UBAC2: variants seen among roughly 807,000 people sequenced by gnomAD.
The protein encoded by UBAC2 is ubiquitin-associated domain-containing protein 2.
UBAC2 carries 26 observed loss-of-function variants against 44.0 expected under a neutral mutation model. That is an observed-to-expected ratio of 0.59 (90% confidence interval 0.43 to 0.82). The LOEUF is 0.82. UBAC2 is among the 40% of genes least tolerant of loss of function. The probability of loss-of-function intolerance (pLI) is 0.00; values close to 1 mark genes in which losing one functional copy is unlikely to be tolerated. For missense variants in UBAC2, 329 were observed against 419.4 expected (o/e 0.78, Z 1.88); for synonymous variants, 155 against 154.3 (o/e 1.00, Z -0.04).
chr13:99,331,203 G>C (rs1444253269), intron 6 of UBAC2, among the ~76,000 whole-genome samples: 3 of 152,216 alleles, frequency 2.0e-5, no homozygotes, highest in Non-Finnish European at 4.4e-5. Flanking sequence ...TTCTGAGAAG[G>C]CTCCTTAAAG....
chr13:99,220,956 A>T (rs902011085), intron 1 of UBAC2, among the ~76,000 whole-genome samples: 3 of 152,032 alleles, frequency 2.0e-5, no homozygotes, highest in Non-Finnish European at 4.4e-5. Context: ...ATGCTTTTTT[A>T]AAAAAAGTAT....
intron 4 of UBAC2, among the ~76,000 whole-genome samples, chr13:99,302,356 G>C (rs891201237): frequency 1.3e-5 from 2 of 152,318 alleles, no homozygotes; most frequent in Admixed American, 6.5e-5. Context: ...AAATTTCAAA[G>C]ATATGGTTCT....
chr13:99,270,173 A>C (rs930643141), intron 4 of UBAC2, among the ~76,000 whole-genome samples: 1 of 152,236 alleles, frequency 6.6e-6, no homozygotes, highest in African/African-American at 2.4e-5. Context: ...AATTTTAACT[A>C]CGTAAGGTGA....
intron 4 of UBAC2, among the ~76,000 whole-genome samples, chr13:99,306,602 G>A (rs1303307801): frequency 6.6e-6 from 1 of 152,094 alleles, no homozygotes; most frequent in Non-Finnish European, 1.5e-5. Context: ...ATTTTGCCAA[G>A]TTTCTGTTAC....
At chr13:99,221,379 A>C (rs763628733) in intron 1 of UBAC2, among the ~76,000 whole-genome samples, 4 of 152,240 alleles carry the variant, frequency 2.6e-5, no homozygotes, top group African/African-American at 9.6e-5. Flanking sequence ...TATGTCTTTC[A>C]CTTGAAATCC....
At chr13:99,311,462 A>G (rs1437120495) in intron 4 of UBAC2, among the ~76,000 whole-genome samples, 1 of 152,226 alleles carries the variant, frequency 6.6e-6, no homozygotes, top group Non-Finnish European at 1.5e-5. Flanking sequence ...TGACTAACTC[A>G]TACTTTTCCA....
At chr13:99,371,361 A>G (rs533601859) in intron 8 of UBAC2, among the ~76,000 whole-genome samples, 2 of 152,248 alleles carry the variant, frequency 1.3e-5, no homozygotes, top group South Asian at 2.1e-4. Flanking sequence ...GTGTTTCTTG[A>G]TTATCCTGCA....
chr13:99,366,312 A>G (rs1015181707), intron 7 of UBAC2, among the ~76,000 whole-genome samples: 1 of 152,230 alleles, frequency 6.6e-6, no homozygotes, highest in South Asian at 2.1e-4. Context: ...CTTGCTCATC[A>G]TGGGTGATTT....
intron 4 of UBAC2, among the ~76,000 whole-genome samples, chr13:99,256,726 G>A (rs908079419): frequency 7.6e-5 from 10 of 132,358 alleles, no homozygotes; most frequent in Non-Finnish European, 9.8e-5. Flanking sequence ...AAAAAAAACC[G>A]TCCATTTTAA....
intron 7 of UBAC2, among the ~76,000 whole-genome samples, chr13:99,359,013 G>A (rs762587467): frequency 2.6e-5 from 4 of 152,122 alleles, no homozygotes; most frequent in Non-Finnish European, 5.9e-5. Context: ...CCCAGAACAC[G>A]GAAGAAGGAG....
intron 1 of UBAC2, chr13:99,215,761 C>A (rs1028716429): frequency 1.3e-5 from 16 of 1,225,610 alleles, no homozygotes; most frequent in Non-Finnish European, 1.8e-5. Flanking sequence ...TCAGCCATTT[C>A]GAGTTCTGCT....
rs865997577 is a variant in UBAC2 at position 99,229,386 on chromosome 13, A to G, written c.32-9041A>G. 3.3e-5 allele frequency among the ~76,000 whole-genome samples: 5 copies of G among 152,372 alleles called. No individual in the cohort carries two copies. In the South Asian group the frequency reaches 1.0e-3, roughly 32 times the overall value. On this transcript the variant is annotated intron_variant, in intron 1 of 8. Transcript: ENST00000403766. ...AAGTCTGGAAAAATTTTCCAAAGGC[A>G]TTGAAACAGAAAGCAACATGTTCAG...
chr13:99,255,395 A>G (rs760766191), intron 4 of UBAC2: 2 of 1,614,128 alleles, frequency 1.2e-6, no homozygotes, highest in South Asian at 2.2e-5. Flanking sequence ...GGGTCTTTAT[A>G]GAGCAGTAGC....
intron 4 of UBAC2, among the ~76,000 whole-genome samples, chr13:99,280,027 T>G (rs1014798811): frequency 1.3e-5 from 2 of 152,248 alleles, no homozygotes; most frequent in South Asian, 4.1e-4. Flanking sequence ...GAAAAGTATT[T>G]GATCTTTTGA....
chr13:99,350,392 C>CT (rs2045065169), intron 7 of UBAC2, among the ~76,000 whole-genome samples: 1 of 152,164 alleles, frequency 6.6e-6, no homozygotes, highest in African/African-American at 2.4e-5. Context: ...AGGGTTGAGA[C>CT]TTTCAGCCCC....
At position 99,200,862 on chromosome 13, in the gene UBAC2, G is replaced by T; in HGVS notation, c.-47G>T. 7.8e-7 allele frequency: 1 copy of T among 1,279,914 alleles called. No individual in the cohort carries two copies. The allele number at this position is 1,279,914 out of a possible 1,614,324, so 79.3% of individuals were successfully genotyped here. A position where few individuals can be genotyped will look rare whatever the true frequency, so the allele number is the denominator to read the frequency against. On this transcript the variant is annotated 5_prime_UTR_variant, in exon 1 of 9. Coordinates refer to ENST00000403766, the MANE Select transcript of UBAC2 (RefSeq NM_001144072.2). ...CGCGGTCGCTGGGGCTCGCACTTCA[G>T]CTTCCCCTCCCCCGGCGCCCTCTGG...
chr13:99,359,230 G>A (rs2045231248), intron 7 of UBAC2, among the ~76,000 whole-genome samples: 1 of 152,178 alleles, frequency 6.6e-6, no homozygotes, highest in Non-Finnish European at 1.5e-5. Flanking sequence ...CGCTCAGGAG[G>A]ATCCACTGGA....
chr13:99,348,445 G>A (rs1419588297), intron 7 of UBAC2, among the ~76,000 whole-genome samples: 1 of 152,178 alleles, frequency 6.6e-6, no homozygotes, highest in Non-Finnish European at 1.5e-5. Context: ...GTCACGGGGG[G>A]CCTTATGAAA....
intron 4 of UBAC2, among the ~76,000 whole-genome samples, chr13:99,307,591 A>G (rs1393403879): frequency 1.3e-5 from 2 of 152,090 alleles, no homozygotes; most frequent in East Asian, 1.9e-4. Context: ...AAAAAAAACT[A>G]TCCAAAAGCC....
Sources: allele counts gnomAD v4.1 joint callset (sites outside exome capture counted in the v4.1 genomes callset), GRCh38; gene constraint gnomAD v4.1.1; transcripts MANE v1.5; gene names NCBI Gene and HGNC (gene_info 2026-07-23, HGNC 2026-07-21).